AIM2: variants seen among roughly 807,000 people sequenced by gnomAD.
AIM2 encodes the protein interferon-inducible protein AIM2.
Under a neutral mutation model 27.7 loss-of-function variants are expected in AIM2, and 30 were observed. The ratio of observed to expected loss-of-function variants is 1.08; its 90% CI spans 0.81 to 1.47. The LOEUF (loss-of-function observed/expected upper bound fraction) is 1.47, where lower values mean the gene tolerates loss of function less well. Among genes scored for constraint, AIM2 ranks in the 40% most tolerant of loss-of-function variants. The pLI is 0.00. For synonymous variants in AIM2, 141 were observed against 145.3 expected (o/e 0.97, Z 0.21); for missense variants, 358 against 411.3 (o/e 0.87, Z 1.12).
At chr1:159,071,435 G>A (rs552448457) in intron 2 of AIM2, among the ~76,000 whole-genome samples, 3 of 152,330 alleles carry the variant, frequency 2.0e-5, no homozygotes, top group East Asian at 3.9e-4. Context: ...AAGTATGTCC[G>A]TGGATAGAAT....
intron 1 of AIM2, among the ~76,000 whole-genome samples, chr1:159,117,337 G>T (rs1352880061): frequency 6.6e-6 from 1 of 152,196 alleles, no homozygotes; most frequent in Admixed American, 6.5e-5. Context: ...AAAAACATGT[G>T]CTCTGGAGAA....
At chr1:159,064,939 T>G (rs1039125649) in intron 4 of AIM2, among the ~76,000 whole-genome samples, 2 of 152,216 alleles carry the variant, frequency 1.3e-5, no homozygotes, top group African/African-American at 4.8e-5. Context: ...AGGTTTAATT[T>G]TATGGACTAA....
At chr1:159,096,856 G>T (rs920297133) in intron 1 of AIM2, among the ~76,000 whole-genome samples, 3 of 152,008 alleles carry the variant, frequency 2.0e-5, no homozygotes, top group African/African-American at 7.2e-5. Context: ...GGAATGGGGG[G>T]TATACAGAGA....
intron 1 of AIM2, among the ~76,000 whole-genome samples, chr1:159,074,941 A>T (rs1656532708): frequency 6.6e-6 from 1 of 152,178 alleles, no homozygotes; most frequent in Non-Finnish European, 1.5e-5. Context: ...GGTTTTTCAT[A>T]GAATTTATCA....
chr1:159,081,456 C>A (rs945228118), upstream of AIM2: 6 of 484,990 alleles, frequency 1.2e-5, no homozygotes, highest in African/African-American at 8.1e-5. Flanking sequence ...GGACCTCAGT[C>A]GTCACATCCA....
At chr1:159,137,314 A>G (rs1648027964) in intron 1 of AIM2, among the ~76,000 whole-genome samples, 1 of 152,168 alleles carries the variant, frequency 6.6e-6, no homozygotes. Context: ...GGCATCTCTC[A>G]CAAAGAGGAA....
intron 1 of AIM2, among the ~76,000 whole-genome samples, chr1:159,099,855 TCCC>T (rs55703302): frequency 0.74 from 112,087 of 151,852 alleles, 44,916 homozygotes; most frequent in Non-Finnish European, 0.89. Context: ...CTCAAATAAT[TCCC>T]CCAACTGGGT....
rs889937306 is a variant in AIM2, at chr1:159,062,604, T to G, written c.*88A>C. ...CTGTGAACTGCAGCTTTCAGGTAACTTACAATCTGATTGAAGAGGCTGTAT... is the reference window on the plus strand; with the variant it reads ...CTGTGAACTGCAGCTTTCAGGTAACGTACAATCTGATTGAAGAGGCTGTAT... On this transcript the variant is annotated 3_prime_UTR_variant, in exon 6 of 6. Transcript: ENST00000368130. 2.3e-6 allele frequency: 3 copies of G among 1,322,458 alleles called. No homozygotes were observed. Among genetic ancestry groups the G allele is most frequent in the Admixed American group, 3.6e-5 (2 of 54,932 alleles). The allele number at this position is 1,322,458 out of a possible 1,614,324, so 81.9% of individuals were successfully genotyped here.
upstream of AIM2, among the ~76,000 whole-genome samples, chr1:159,079,087 T>TA (rs138560806): frequency 6.5e-4 from 96 of 147,566 alleles, 1 homozygote; most frequent in Middle Eastern, 3.5e-3. Flanking sequence ...GCCTCCAACT[T>TA]AAAAAAAAAA....
Position 159,082,673 on chromosome 1 carries a change from C to G in AIM2, c.-15-16344G>C, listed in dbSNP as rs1012089127. Among the ~76,000 whole-genome samples the G allele has an allele frequency of 7.9e-5, 12 of 152,236 alleles. No individual in the cohort carries two copies. In the South Asian group the frequency reaches 1.9e-3, roughly 24 times the overall value. ...CACTATCCCACGTAGTATAAGAGCACTAATCCTATTCACGAAGCCCATACC... is the reference window on the plus strand; with the variant it reads ...CACTATCCCACGTAGTATAAGAGCAGTAATCCTATTCACGAAGCCCATACC... On this transcript the variant is annotated intron_variant, in intron 1 of 2. Transcript: ENST00000368129.
intron 1 of AIM2, among the ~76,000 whole-genome samples, chr1:159,113,813 T>C (rs1031244996): frequency 6.6e-6 from 1 of 152,210 alleles, no homozygotes; most frequent in Admixed American, 6.5e-5. Context: ...GATAGAGTTC[T>C]TTATTGAATA....
At chr1:159,056,945 T>C in the AIM2 span, among the ~76,000 whole-genome samples, 9 of 152,062 alleles carry the variant, frequency 5.9e-5, no homozygotes, top group Non-Finnish European at 1.3e-4. Flanking sequence ...AGGTGTTTTT[T>C]CAAAGGAGTC....
intron 1 of AIM2, among the ~76,000 whole-genome samples, chr1:159,120,325 G>A (rs1306337737): frequency 1.3e-5 from 2 of 152,064 alleles, no homozygotes; most frequent in African/African-American, 2.4e-5. Context: ...TCCTTTAATT[G>A]TACAGTCATG....
intron 1 of AIM2, among the ~76,000 whole-genome samples, chr1:159,129,219 C>G (rs1050872249): frequency 1.4e-4 from 21 of 152,130 alleles, no homozygotes; most frequent in Admixed American, 6.5e-5. Flanking sequence ...CAGACCCAAG[C>G]TAAGAAGCTT....
intron 1 of AIM2, among the ~76,000 whole-genome samples, chr1:159,133,487 C>A (rs1647947864): frequency 6.6e-6 from 1 of 152,192 alleles, no homozygotes; most frequent in Admixed American, 6.5e-5. Context: ...GCCCACACTT[C>A]TAAAAGTTGC....
At chr1:159,134,816 G>T (rs1647983745) in intron 1 of AIM2, among the ~76,000 whole-genome samples, 1 of 152,094 alleles carries the variant, frequency 6.6e-6, no homozygotes, top group Non-Finnish European at 1.5e-5. Flanking sequence ...TGGGAAACGG[G>T]GCAAGACTCT....
At chr1:159,118,779 C>T (rs2102037202) in intron 1 of AIM2, among the ~76,000 whole-genome samples, 1 of 152,266 alleles carries the variant, frequency 6.6e-6, no homozygotes, top group Non-Finnish European at 1.5e-5. Context: ...TTCTGCAATA[C>T]TCACAGAGCT....
intron 1 of AIM2, among the ~76,000 whole-genome samples, chr1:159,110,807 T>A (rs115020243): frequency 1.5e-3 from 233 of 152,338 alleles, no homozygotes; most frequent in African/African-American, 5.2e-3. Flanking sequence ...CATATTAATT[T>A]TTTTAGTGGC....
chr1:159,059,389 G>A (rs1026772410), downstream of AIM2, among the ~76,000 whole-genome samples: 2 of 152,102 alleles, frequency 1.3e-5, no homozygotes, highest in African/African-American at 4.8e-5. Context: ...ACAGAAGCCA[G>A]TTTTCTCATC....
Sources: allele counts gnomAD v4.1 joint callset (sites outside exome capture counted in the v4.1 genomes callset), GRCh38; gene constraint gnomAD v4.1.1; transcripts MANE v1.5; gene names NCBI Gene and HGNC (gene_info 2026-07-23, HGNC 2026-07-21).